Variants in ITPR1 observed in about 807,000 individuals in gnomAD.
ITPR1 encodes inositol 1,4,5-trisphosphate-gated calcium channel ITPR1.
ITPR1 carries 96 observed loss-of-function variants against 318.4 expected under a neutral mutation model. The observed-to-expected ratio is 0.30, with a 90% confidence interval of 0.26 to 0.36. The LOEUF (loss-of-function observed/expected upper bound fraction) is 0.36. Among genes scored for constraint, ITPR1 ranks in the 10% least tolerant of loss-of-function variants. The pLI is 1.00. For synonymous variants in ITPR1, 1,312 were observed against 1,289.9 expected (o/e 1.02, Z -0.37); for missense variants, 2,440 against 3,460.2 (o/e 0.71, Z 7.40).
chr3:4,711,947 C>A, intron 39 of ITPR1, 79 bp downstream of exon 39: 1 of 634,302 alleles, frequency 1.6e-6, no homozygotes, highest in Non-Finnish European at 2.7e-6. Flanking sequence ...CCCACCTTAG[C>A]TCAGGCATTA....
At chr3:4,670,443 G>A (rs943860588) in intron 19 of ITPR1, among the ~76,000 whole-genome samples, 3 of 152,128 alleles carry the variant, frequency 2.0e-5, no homozygotes, top group Admixed American at 2.0e-4. Context: ...CAGCATCCCT[G>A]GCCCCTACCC....
intron 2 of ITPR1, among the ~76,000 whole-genome samples, chr3:4,495,791 C>T (rs2080511238): frequency 6.6e-6 from 1 of 152,166 alleles, no homozygotes; most frequent in South Asian, 2.1e-4. Flanking sequence ...GGTGTAACCT[C>T]AGGCGGTGAG....
In ITPR1 at chr3:4,547,977, G is replaced by A. The variant is rs151190483; in HGVS notation, c.163+26883G>A. ...ACAGGATTGGCTCAGTCTAAGTACC[G>A]GCCTGTGAGTAAGCCATTCTACTTC... On this transcript the variant is annotated intron_variant, in intron 4 of 61. Transcript: ENST00000649015. Among the ~76,000 whole-genome samples the A allele has an allele frequency of 1.5e-4, 23 of 152,162 alleles. No homozygotes were observed. The East Asian group carries it at 4.1e-3, about 27-fold the overall frequency.
chr3:4,656,048 C>A (rs527761971), intron 12 of ITPR1, among the ~76,000 whole-genome samples: 1 of 152,308 alleles, frequency 6.6e-6, no homozygotes, highest in African/African-American at 2.4e-5. Context: ...TTGTTGTGCT[C>A]GTCCTTCTAA....
chr3:4,734,439 T>C (rs2043136169), intron 43 of ITPR1, among the ~76,000 whole-genome samples: 1 of 152,214 alleles, frequency 6.6e-6, no homozygotes. Flanking sequence ...GACATTGGAA[T>C]TGAGTTCTGC....
intron 40 of ITPR1, among the ~76,000 whole-genome samples, chr3:4,719,969 C>T (rs560779520): frequency 6.6e-6 from 1 of 152,116 alleles, no homozygotes; most frequent in African/African-American, 2.4e-5. Flanking sequence ...TTGTACCTTC[C>T]GCTCAGAGCT....
rs2051836420 is a variant in ITPR1, at chr3:4,847,099, G to C, written c.*874G>C. 1 of 152,556 alleles carries C rather than the reference G, an allele frequency of 6.6e-6. No homozygotes were observed. The highest frequency in any genetic ancestry group is 1.5e-5 in the Non-Finnish European group (1 of 68,018). The allele number at this position is 152,556 out of a possible 1,614,324, so 9.5% of individuals were successfully genotyped here. A position where few individuals can be genotyped will look rare whatever the true frequency, so the allele number is the denominator to read the frequency against. Reference sequence around the variant, plus strand: ...ATTATAAAGACATGCATAATTGATGGTTTCTAGATTATCTAGTCCAAACAA... The same window carrying C: ...ATTATAAAGACATGCATAATTGATGCTTTCTAGATTATCTAGTCCAAACAA... On this transcript the variant is annotated 3_prime_UTR_variant, in exon 62 of 62. Coordinates refer to ENST00000649015, the MANE Select transcript of ITPR1 (RefSeq NM_001378452.1).
At chr3:4,640,006 G>C (rs78663073) in intron 6 of ITPR1, among the ~76,000 whole-genome samples, 2 of 151,944 alleles carry the variant, frequency 1.3e-5, no homozygotes, top group Non-Finnish European at 2.9e-5. Context: ...TAAATTTGCC[G>C]TGGAGATAAA....
chr3:4,673,390 G>T lies in ITPR1; in HGVS notation c.2456+3G>T. On this transcript the variant is annotated splice_donor_region_variant and intron_variant, in intron 21 of 61. Coordinates refer to ENST00000649015, the MANE Select transcript of ITPR1 (RefSeq NM_001378452.1). ...CCCTCGGAGATCGCCATTGACGAGTGAGCCTGGCACCTGAAAACCTCACTT... is the reference window on the plus strand; with the variant it reads ...CCCTCGGAGATCGCCATTGACGAGTTAGCCTGGCACCTGAAAACCTCACTT... 1 of 1,599,102 alleles carries T rather than the reference G, an allele frequency of 6.3e-7. No individual in the cohort carries two copies. Among genetic ancestry groups the T allele is most frequent in the Non-Finnish European group, 8.6e-7 (1 of 1,169,504 alleles).
At chr3:4,618,379 A>G (rs1184498691) in intron 4 of ITPR1, among the ~76,000 whole-genome samples, 1 of 152,168 alleles carries the variant, frequency 6.6e-6, no homozygotes, top group Non-Finnish European at 1.5e-5. Context: ...AGATGAATGT[A>G]TTTTAAATAA....
At chr3:4,622,082 T>A (rs2092656829) in intron 4 of ITPR1, among the ~76,000 whole-genome samples, 1 of 151,368 alleles carries the variant, frequency 6.6e-6, no homozygotes, top group Admixed American at 6.6e-5. Context: ...ATTTTCAGCA[T>A]CCAGTCTTGT....
At chr3:4,822,396 GCCT>G (rs2049786584) in intron 60 of ITPR1, among the ~76,000 whole-genome samples, 1 of 152,200 alleles carries the variant, frequency 6.6e-6, no homozygotes, top group Non-Finnish European at 1.5e-5. Context: ...GACTCTAAGA[GCCT>G]CCTCCTCTGG....
chr3:4,749,669 A>AT (rs1294832683), intron 44 of ITPR1: 1 of 152,308 alleles, frequency 6.6e-6, no homozygotes, highest in Non-Finnish European at 1.5e-5. Context: ...CACCAAGGGC[A>AT]TTGAATTCAC....
At chr3:4,609,089 T>TATATATATATACACACACAC (rs1171860541) in intron 4 of ITPR1, among the ~76,000 whole-genome samples, 1 of 91,950 alleles carries the variant, frequency 1.1e-5, no homozygotes, top group African/African-American at 3.8e-5. Context: ...TATATATATA[T>TATATATATATACACACACAC]ACACACACAC....
In ITPR1 at chr3:4,706,263, A is replaced by G; in HGVS notation, c.4754A>G (p.Asn1585Ser). The change falls in exon 37 of 62, where the codon AAC (asparagine) becomes AGC (serine). Residue 1585 changes from asparagine to serine, a missense_variant. Asn to Ser is a conservative substitution (Grantham distance 46, BLOSUM62 1). Around this residue, in one of 23 missense-constraint regions of ITPR1, gnomAD observed 166 missense variants for 246.5 expected, o/e 0.67. Transcript: ENST00000649015. ...AGCATTGTGCAGAAAACAGCCATGAACTGGCGGCTCTCAGCCCGCAATGCC... is the reference window on the plus strand; with the variant it reads ...AGCATTGTGCAGAAAACAGCCATGAGCTGGCGGCTCTCAGCCCGCAATGCC... ...SHSIVQKTAM[N>S]WRLSARNAAR... 1 of 1,614,030 alleles carries G rather than the reference A, an allele frequency of 6.2e-7. No individual in the cohort carries two copies. Among genetic ancestry groups the G allele is most frequent in the Non-Finnish European group, 8.5e-7 (1 of 1,179,884 alleles).
intron 3 of ITPR1, among the ~76,000 whole-genome samples, chr3:4,518,392 C>T (rs972852575): frequency 6.6e-6 from 1 of 152,202 alleles, no homozygotes; most frequent in African/African-American, 2.4e-5. Flanking sequence ...ATGAGTCCCT[C>T]CTGCCCTTTT....
chr3:4,668,757 C>T (rs1374573606), intron 18 of ITPR1, among the ~76,000 whole-genome samples: 3 of 152,192 alleles, frequency 2.0e-5, no homozygotes, highest in Non-Finnish European at 2.9e-5. Flanking sequence ...TGAGCCACCG[C>T]GCTCGGCCTC....
chr3:4,649,667 G>A (rs2093551060), intron 10 of ITPR1, among the ~76,000 whole-genome samples: 1 of 152,136 alleles, frequency 6.6e-6, no homozygotes. Flanking sequence ...GTCCAAATCA[G>A]GCTGCTGTTA....
chr3:4,763,690 G>A (rs1234296867), intron 44 of ITPR1, among the ~76,000 whole-genome samples: 3 of 152,224 alleles, frequency 2.0e-5, no homozygotes, highest in East Asian at 1.9e-4. Flanking sequence ...TCAGTAATGC[G>A]AAACAAACCT....
Sources: allele counts gnomAD v4.1 joint callset (sites outside exome capture counted in the v4.1 genomes callset), GRCh38; gene constraint gnomAD v4.1.1; regional missense constraint gnomAD v4.1.1; transcripts MANE v1.5; gene names NCBI Gene and HGNC (gene_info 2026-07-23, HGNC 2026-07-21).